The following IGSF3 variants were observed in gnomAD, a reference collection of about 807,000 sequenced individuals.
The protein encoded by IGSF3 is glu-Trp-Ile EWI motif-containing protein 3.
A neutral mutation model predicts 114.4 loss-of-function variants in IGSF3; 23 were observed. The observed-to-expected ratio is 0.20, with a 90% CI of 0.14 to 0.28. The LOEUF (loss-of-function observed/expected upper bound fraction) is 0.28. IGSF3 is among the 10% of genes least tolerant of loss of function. The pLI is 1.00. For missense variants in IGSF3, 1,172 were observed against 1,591.5 expected (o/e 0.74, Z 4.48); for synonymous variants, 571 against 645.2 (o/e 0.88, Z 1.74).
rs943749447 is a variant in IGSF3 at position 116,664,236 on chromosome 1, T to C, written c.43+2048A>G. 6.6e-6 allele frequency among the ~76,000 whole-genome samples: 1 copy of C among 152,218 alleles called. No individual in the cohort carries two copies. The stretch of plus-strand genomic sequence containing the variant: ...TCTGGATGTCTGCCACTGTGCCCCT[T>C]TAAAGCCACCTTGATGCTCATTTTC... On this transcript the variant is annotated intron_variant, in intron 2 of 10. Coordinates refer to ENST00000369486, the MANE Select transcript of IGSF3 (RefSeq NM_001007237.3). This position sits in a 1 kb window ranked among gnomAD's most constrained non-coding sequence, Gnocchi z 4.6.
chr1:116,622,230 T>C lies in IGSF3; in HGVS notation c.44-5773A>G, dbSNP rs6663084. On this transcript the variant is annotated intron_variant, in intron 2 of 10. Transcript: ENST00000369486. ...TGCGACTCAGCCACACTAGTATCTT[T>C]CTTCATCTATAAGATGAAAGTAATA... Among the ~76,000 whole-genome samples, 578 of 152,302 alleles carry C rather than the reference T, an allele frequency of 3.8e-3. 4 individuals are homozygous for C. Among genetic ancestry groups the C allele is most frequent in the African/African-American group, 0.013 (534 of 41,564 alleles).
rs920957313 is a variant in IGSF3, at chr1:116,585,688, G to A, written c.2441-636C>T. On this transcript the variant is annotated intron_variant, in intron 8 of 10. Coordinates refer to ENST00000369486, the MANE Select transcript of IGSF3 (RefSeq NM_001007237.3). The surrounding 1 kb of genome is among the most constrained non-coding windows in gnomAD (Gnocchi z 4.9). ...TGTAATCCCAGCACTTTGGGACGCCGAGGTGGGTGGATCGCTTGAGGCCAG... is the reference window on the plus strand; with the variant it reads ...TGTAATCCCAGCACTTTGGGACGCCAAGGTGGGTGGATCGCTTGAGGCCAG... 6.6e-6 allele frequency among the ~76,000 whole-genome samples: 1 copy of A among 152,084 alleles called. No homozygotes were observed. The highest frequency in any genetic ancestry group is 2.4e-5 in the African/African-American group (1 of 41,414).
chr1:116,639,824 A>T (rs1341978788), intron 2 of IGSF3, among the ~76,000 whole-genome samples: 1 of 152,180 alleles, frequency 6.6e-6, no homozygotes, highest in Non-Finnish European at 1.5e-5. Context: ...ACTTGAGGTC[A>T]GGAGTTCAAG....
At position 116,577,746 on chromosome 1, in the gene IGSF3, T is replaced by G. The variant is rs183580359; in HGVS notation, c.3335-184A>C. 1.8e-4 allele frequency among the ~76,000 whole-genome samples: 27 copies of G among 152,230 alleles called. No individual in the cohort carries two copies. The East Asian group carries it at 4.6e-3, about 26-fold the overall frequency. ...CTTATATTCTTTTTCTCGCAACACC[T>G]CTCCTAATTTACGGCTGTATGTTCC... is the stretch of plus-strand genomic sequence containing the variant. On this transcript the variant is annotated intron_variant, in intron 10 of 10. Transcript: ENST00000369486. The surrounding 1 kb of genome is among the most constrained non-coding windows in gnomAD (Gnocchi z 5.7).
rs370785652 is a variant in IGSF3 at position 116,606,462 on chromosome 1, G to A, written c.1222+1480C>T. 3.8e-5 allele frequency: 61 copies of A among 1,612,800 alleles called. No individual in the cohort carries two copies. The East Asian group carries it at 6.0e-4, about 16-fold the overall frequency. ...CCAAGGCATTGTCACCATTACCGAT[G>A]TGATTGTTGTTGTTCTTCGGCAGAC... On this transcript the variant is annotated intron_variant, in intron 5 of 10. Transcript: ENST00000369486.
chr1:116,578,153 G>A (rs540997581), intron 10 of IGSF3, among the ~76,000 whole-genome samples: 37 of 152,278 alleles, frequency 2.4e-4, no homozygotes, highest in Admixed American at 7.2e-4. Context: ...TAAACCAGGC[G>A]CCCCAAGACA....
chr1:116,585,034 C>A lies in IGSF3; in HGVS notation c.2459G>T (p.Ser820Ile). 1 of 1,542,558 alleles carries A rather than the reference C, an allele frequency of 6.5e-7. No homozygotes were observed. The highest frequency in any genetic ancestry group is 8.8e-7 in the Non-Finnish European group (1 of 1,141,112). The change falls in exon 9 of 11, where the codon AGC becomes ATC. Residue 820 changes from serine to isoleucine, a missense_variant. This residue lies in a region of IGSF3 where 423 missense variants were observed against 509.8 expected (regional missense o/e 0.83). Transcript: ENST00000369486. The surrounding 1 kb of genome is among the most constrained non-coding windows in gnomAD (Gnocchi z 4.9). ...AACCGACAGGTTCCCCTGGGCTTGG[C>A]TGAGCCTCAGGCGGCTGTCTGGAAC... ...VKQPDSRLRL[S>I]QAQGNLSVLE... is the part of the protein sequence containing the mutation.
At position 116,613,823 on chromosome 1, in the gene IGSF3, C is replaced by T. The variant is rs190957846; in HGVS notation, c.774G>A (p.Ser258=). ...AAEWIQDPDG[S]WYAMTRKRSE... ...AACGCTTTCGGGTCATAGCATACCA[C>T]GACCCATCCGGATCCTGGATCCACT... is the stretch of plus-strand genomic sequence containing the variant. Residue 258 remains serine (S), a synonymous_variant, in exon 4 of 11, where the codon TCG becomes TCA. Coordinates refer to ENST00000369486, the MANE Select transcript of IGSF3 (RefSeq NM_001007237.3). 2.5e-5 allele frequency: 40 copies of T among 1,613,930 alleles called. No individual in the cohort carries two copies. In the Middle Eastern group the frequency reaches 5.0e-4, roughly 20 times the overall value.
Position 116,666,463 on chromosome 1 carries a change from T to G in IGSF3, c.-137A>C. The stretch of plus-strand genomic sequence containing the variant: ...CTTAACTCGGAAAATGGGAACAGAT[T>G]AAAAAGAAGAGATCAGAAGGAGGGA... On this transcript the variant is annotated 5_prime_UTR_variant, in exon 2 of 11. Coordinates refer to ENST00000369486, the MANE Select transcript of IGSF3 (RefSeq NM_001007237.3). The G allele has an allele frequency of 1.2e-6, 1 of 811,792 alleles. No homozygotes were observed. The highest frequency in any genetic ancestry group is 1.5e-5 in the South Asian group (1 of 66,286). 50.3% of individuals were successfully genotyped at this position (811,792 alleles called of 1,614,324 possible). A position where few individuals can be genotyped will look rare whatever the true frequency, so the allele number is the denominator to read the frequency against.
Position 116,584,175 on chromosome 1 carries a change from G to A in IGSF3, c.2848+470C>T, listed in dbSNP as rs1325509389. On this transcript the variant is annotated intron_variant, in intron 9 of 10. Coordinates refer to ENST00000369486, the MANE Select transcript of IGSF3 (RefSeq NM_001007237.3). This position sits in a 1 kb window ranked among gnomAD's most constrained non-coding sequence, Gnocchi z 5.8. ...CTGCACTCTGCACTCCAGCCTGGGT[G>A]ACAGAGTGAGACTCCGTTTCAAAAA... Among the ~76,000 whole-genome samples, 3 of 143,366 alleles carry A rather than the reference G, an allele frequency of 2.1e-5. No homozygotes were observed. The highest frequency in any genetic ancestry group is 4.5e-5 in the Non-Finnish European group (3 of 66,968). 94.1% of individuals were successfully genotyped at this position (143,366 alleles called of 152,430 possible).
chr1:116,605,235 C>A lies in IGSF3; in HGVS notation c.1223-1210G>T, dbSNP rs1165890783. The stretch of plus-strand genomic sequence containing the variant: ...CAAATCCCAGATTTTAAGAGGCACA[C>A]CCAATTACCAAGAGAAAACACACAC... On this transcript the variant is annotated intron_variant, in intron 5 of 10. Coordinates refer to ENST00000369486, the MANE Select transcript of IGSF3 (RefSeq NM_001007237.3). This position sits in a 1 kb window ranked among gnomAD's most constrained non-coding sequence, Gnocchi z 5.1. Among the ~76,000 whole-genome samples the A allele has an allele frequency of 1.3e-5, 2 of 151,850 alleles. No individual in the cohort carries two copies. Among genetic ancestry groups the A allele is most frequent in the Non-Finnish European group, 2.9e-5 (2 of 67,990 alleles).
chr1:116,605,034 A>C lies in IGSF3; in HGVS notation c.1223-1009T>G, dbSNP rs1292994278. On this transcript the variant is annotated intron_variant, in intron 5 of 10. Coordinates refer to ENST00000369486, the MANE Select transcript of IGSF3 (RefSeq NM_001007237.3). The surrounding 1 kb of genome is among the most constrained non-coding windows in gnomAD (Gnocchi z 5.1). ...TTCCACATAACTCTTTGTTTTTATA[A>C]ACATCACAGATAGCCTAATATGTTT... 6.6e-6 allele frequency among the ~76,000 whole-genome samples: 1 copy of C among 152,178 alleles called. No individual in the cohort carries two copies.
intron 2 of IGSF3, among the ~76,000 whole-genome samples, chr1:116,645,947 G>A (rs530965332): frequency 2.6e-5 from 4 of 152,352 alleles, no homozygotes; most frequent in African/African-American, 9.6e-5. Context: ...CTGGGAGTGG[G>A]GATGGGAGGT....
Position 116,650,108 on chromosome 1 carries a change from T to C in IGSF3, c.43+16176A>G, listed in dbSNP as rs539186884. 9.8e-5 allele frequency among the ~76,000 whole-genome samples: 15 copies of C among 152,338 alleles called. No individual in the cohort carries two copies. Among genetic ancestry groups the C allele is most frequent in the African/African-American group, 3.6e-4 (15 of 41,586 alleles). Reference sequence around the variant, plus strand: ...CTCTGAATAATGTGCTTTTTGATGATAATCTGAATGGTACAAGAAGAAATC... The same window carrying C: ...CTCTGAATAATGTGCTTTTTGATGACAATCTGAATGGTACAAGAAGAAATC... On this transcript the variant is annotated intron_variant, in intron 2 of 10. Transcript: ENST00000369486. This position sits in a 1 kb window ranked among gnomAD's most constrained non-coding sequence, Gnocchi z 5.0.
rs781128018 is a variant in IGSF3 at position 116,584,663 on chromosome 1, G to C, written c.2830C>G (p.Leu944Val). Residue 944 changes from leucine (L) to valine (V), a missense_variant, in exon 9 of 11, where the codon CTG (leucine) becomes GTG (valine). Physicochemically the swap from Leu to Val is conservative, Grantham distance 32 (BLOSUM62 1). Coordinates refer to ENST00000369486, the MANE Select transcript of IGSF3 (RefSeq NM_001007237.3). The surrounding 1 kb of genome is among the most constrained non-coding windows in gnomAD (Gnocchi z 5.8). ...RAEDTAGQTA[L>V]TVMRPDASLQ... ...CCCTCACCTGGTCGCATGACTGTCA[G>C]AGCTGTCTGCCCAGCGGTGTCCTCT... The C allele has an allele frequency of 6.2e-7, 1 of 1,614,206 alleles. No homozygotes were observed. The highest frequency in any genetic ancestry group is 1.1e-5 in the South Asian group (1 of 91,090).
intron 2 of IGSF3, among the ~76,000 whole-genome samples, chr1:116,646,475 C>T (rs1282051450): frequency 2.0e-5 from 3 of 151,868 alleles, no homozygotes; most frequent in Non-Finnish European, 4.4e-5. Context: ...TATATTAATA[C>T]TTATCAGCCA....
At position 116,613,898 on chromosome 1, in the gene IGSF3, G is replaced by T. The variant is rs1661116673; in HGVS notation, c.699C>A (p.Ile233=). The part of the protein sequence containing the change: ...KLGRTTFRLT[I]FHLQPSDQGE... The stretch of plus-strand genomic sequence containing the variant: ...CCTGGTCAGAAGGCTGCAGGTGGAA[G>T]ATGGTGAGGCGGAAGGTGGTCCTCC... Residue 233 remains isoleucine (I), a synonymous_variant, in exon 4 of 11, where the codon ATC becomes ATA. Coordinates refer to ENST00000369486, the MANE Select transcript of IGSF3 (RefSeq NM_001007237.3). The T allele has an allele frequency of 6.2e-7, 1 of 1,613,998 alleles. No individual in the cohort carries two copies. The highest frequency in any genetic ancestry group is 1.3e-5 in the African/African-American group (1 of 75,064).
At chr1:116,640,037 CA>C (rs34003833) in intron 2 of IGSF3, among the ~76,000 whole-genome samples, 11,401 of 65,308 alleles carry the variant, frequency 0.17, 346 homozygotes, top group Non-Finnish European at 0.23. Flanking sequence ...GACTCTATCT[CA>C]AAAAAAAAAA....
At chr1:116,609,070 A>C (rs1660911975) in intron 4 of IGSF3, among the ~76,000 whole-genome samples, 1 of 151,818 alleles carries the variant, frequency 6.6e-6, no homozygotes, top group Non-Finnish European at 1.5e-5. Context: ...TTAGTGGGAA[A>C]GTACCTACTA....
Sources: allele counts gnomAD v4.1 joint callset (sites outside exome capture counted in the v4.1 genomes callset), GRCh38; gene constraint gnomAD v4.1.1; regional missense constraint gnomAD v4.1.1; non-coding constraint Gnocchi (gnomAD v3.1); transcripts MANE v1.5; gene names NCBI Gene and HGNC (gene_info 2026-07-23, HGNC 2026-07-21).